Variants in FOXJ3 observed in about 807,000 individuals in gnomAD.
FOXJ3 encodes forkhead box J3.
A neutral mutation model predicts 76.1 loss-of-function variants in FOXJ3; 22 were observed. The observed-to-expected ratio is 0.29, with a 90% CI of 0.21 to 0.41. FOXJ3 has a LOEUF of 0.41. FOXJ3 is among the 10% of genes least tolerant of loss of function. The probability of loss-of-function intolerance (pLI) is 1.00; values close to 1 mark genes in which losing one functional copy is unlikely to be tolerated. For missense variants in FOXJ3, 613 were observed against 762.1 expected (o/e 0.80, Z 2.30); for synonymous variants, 269 against 261.2 (o/e 1.03, Z -0.29).
At chr1:42,252,941 T>C (rs1241426093) in intron 4 of FOXJ3, among the ~76,000 whole-genome samples, 5 of 150,312 alleles carry the variant, frequency 3.3e-5, no homozygotes, top group East Asian at 2.0e-4. Context: ...CTATTCAACA[T>C]AGTGTTGGAA....
intron 4 of FOXJ3, among the ~76,000 whole-genome samples, chr1:42,251,997 G>A (rs574706867): frequency 9.2e-5 from 14 of 152,148 alleles, no homozygotes; most frequent in East Asian, 3.9e-4. Flanking sequence ...GATTACAGGC[G>A]TGAGCCACCG....
Position 42,324,110 on chromosome 1 carries a change from ACACTGTATATACACAGTG to A in FOXJ3, c.-18+10931_-18+10948del, listed in dbSNP as rs1300965530. The stretch of plus-strand genomic sequence containing the variant: ...TATACTGTATATATACTGTGTATAT[ACACTGTATATACACAGTG>A]TATATACAGTATATATACTATATAT... On this transcript the variant is annotated intron_variant, in intron 1 of 12. Coordinates refer to ENST00000361346, the MANE Select transcript of FOXJ3 (RefSeq NM_014947.5). 3.0e-5 allele frequency among the ~76,000 whole-genome samples: 4 copies of A among 133,296 alleles called. 1 individual carries two copies. Among genetic ancestry groups the A allele is most frequent in the Non-Finnish European group, 6.3e-5 (4 of 63,802 alleles). 87.4% of individuals were successfully genotyped at this position (133,296 alleles called of 152,430 possible).
chr1:42,321,478 T>C (rs2124776260), intron 1 of FOXJ3, among the ~76,000 whole-genome samples: 2 of 152,274 alleles, frequency 1.3e-5, no homozygotes. Flanking sequence ...GATCCAGGTC[T>C]GGATTATTTA....
chr1:42,288,394 C>G (rs1304276203), intron 2 of FOXJ3, among the ~76,000 whole-genome samples: 1 of 152,210 alleles, frequency 6.6e-6, no homozygotes, highest in Non-Finnish European at 1.5e-5. Flanking sequence ...CTGTTTGCAA[C>G]CATACTACTT....
At chr1:42,192,264 T>C (rs1557624618) in intron 8 of FOXJ3, among the ~76,000 whole-genome samples, 1 of 152,204 alleles carries the variant, frequency 6.6e-6, no homozygotes, top group Non-Finnish European at 1.5e-5. Context: ...AAGTTGTTTA[T>C]GCCAAATAGG....
chr1:42,309,973 T>C (rs1654704972), intron 2 of FOXJ3, among the ~76,000 whole-genome samples: 1 of 152,238 alleles, frequency 6.6e-6, no homozygotes, highest in Non-Finnish European at 1.5e-5. Context: ...AACACAACAG[T>C]TCCTACTTTT....
rs114606810 is a variant in FOXJ3 at position 42,181,789 on chromosome 1, A to G, written c.1753+128T>C. Reference sequence around the variant, plus strand: ...AACTGACACACACACATGCTTCTCAATATTAAACTCTGGGTAATAACTGAC... The same window carrying G: ...AACTGACACACACACATGCTTCTCAGTATTAAACTCTGGGTAATAACTGAC... On this transcript the variant is annotated intron_variant, in intron 12 of 12. Transcript: ENST00000361346. 1.9e-3 allele frequency: 1,118 copies of G among 595,632 alleles called. 13 individuals are homozygous for G. Among genetic ancestry groups the G allele is most frequent in the African/African-American group, 0.019 (990 of 52,970 alleles). The allele number at this position is 595,632 out of a possible 1,614,324, so 36.9% of individuals were successfully genotyped here. A position where few individuals can be genotyped will look rare whatever the true frequency, so the allele number is the denominator to read the frequency against.
chr1:42,200,917 T>A (rs1646752331), intron 6 of FOXJ3, among the ~76,000 whole-genome samples: 1 of 152,206 alleles, frequency 6.6e-6, no homozygotes, highest in South Asian at 2.1e-4. Flanking sequence ...TATATCAACT[T>A]TGGAAAAACT....
At chr1:42,190,219 T>A (rs1427169916) in intron 9 of FOXJ3, among the ~76,000 whole-genome samples, 2 of 152,196 alleles carry the variant, frequency 1.3e-5, no homozygotes, top group Non-Finnish European at 2.9e-5. Flanking sequence ...AATTCTTCAT[T>A]TCAGTGACTG....
intron 4 of FOXJ3, among the ~76,000 whole-genome samples, chr1:42,248,887 G>A (rs1649782704): frequency 6.6e-6 from 1 of 151,972 alleles, no homozygotes; most frequent in Admixed American, 6.6e-5. Context: ...TTGTCCTGAT[G>A]TTTTTCCTCT....
At chr1:42,185,424 A>AT (rs977861259) in intron 11 of FOXJ3, among the ~76,000 whole-genome samples, 7 of 151,372 alleles carry the variant, frequency 4.6e-5, no homozygotes, top group Admixed American at 3.3e-4. Flanking sequence ...CGCCTGGCTA[A>AT]TTTTTTTGTA....
At chr1:42,297,049 C>CGGGTGT in intron 2 of FOXJ3, among the ~76,000 whole-genome samples, 1 of 151,806 alleles carries the variant, frequency 6.6e-6, no homozygotes, top group African/African-American at 2.4e-5. Flanking sequence ...TAGGGGTGTG[C>CGGGTGT]GGGTGTGGGT....
intron 4 of FOXJ3, among the ~76,000 whole-genome samples, chr1:42,250,298 C>T (rs2124562842): frequency 6.6e-6 from 1 of 152,308 alleles, no homozygotes; most frequent in East Asian, 1.9e-4. Flanking sequence ...GAAGGAATCA[C>T]ATGAGACTGA....
intron 4 of FOXJ3, among the ~76,000 whole-genome samples, chr1:42,248,146 T>C (rs1350335876): frequency 1.3e-5 from 2 of 152,138 alleles, no homozygotes; most frequent in Non-Finnish European, 2.9e-5. Context: ...ATAGGTTTCT[T>C]TTTGGGAGGG....
chr1:42,281,470 C>A (rs1249049650), intron 2 of FOXJ3, among the ~76,000 whole-genome samples: 1 of 151,968 alleles, frequency 6.6e-6, no homozygotes, highest in African/African-American at 2.4e-5. Context: ...AGAAAAAGGA[C>A]CCTAGTCTTC....
At chr1:42,289,944 G>T (rs1477027922) in intron 2 of FOXJ3, among the ~76,000 whole-genome samples, 8 of 152,044 alleles carry the variant, frequency 5.3e-5, no homozygotes, top group African/African-American at 1.9e-4. Flanking sequence ...ATAAAAAGGG[G>T]TAAGTAGAGA....
chr1:42,248,193 T>C (rs940855270), intron 4 of FOXJ3, among the ~76,000 whole-genome samples: 1 of 152,126 alleles, frequency 6.6e-6, no homozygotes, highest in African/African-American at 2.4e-5. Flanking sequence ...GTAGTGATGA[T>C]TGCACAACTT....
At chr1:42,321,382 T>C (rs1231435907) in intron 1 of FOXJ3, among the ~76,000 whole-genome samples, 1 of 152,130 alleles carries the variant, frequency 6.6e-6, no homozygotes, top group Non-Finnish European at 1.5e-5. Flanking sequence ...GAGCAATTGG[T>C]AACATGAAAA....
rs191795625 is a variant in FOXJ3, at chr1:42,272,043, C to T, written c.369+6305G>A. Among the ~76,000 whole-genome samples, 24 of 152,284 alleles carry T rather than the reference C, an allele frequency of 1.6e-4. No homozygotes were observed. In the Middle Eastern group the frequency reaches 0.01, roughly 65 times the overall value. On this transcript the variant is annotated intron_variant, in intron 3 of 12. Transcript: ENST00000361346. ...GAGGTATTTTTAATATGTAATCTCC[C>T]TTCAAGGCCCTGACACAAAATGAAA...
Sources: allele counts gnomAD v4.1 joint callset (sites outside exome capture counted in the v4.1 genomes callset), GRCh38; gene constraint gnomAD v4.1.1; transcripts MANE v1.5; gene names NCBI Gene and HGNC (gene_info 2026-07-23, HGNC 2026-07-21).